Variants in USP54 observed in about 807,000 individuals in gnomAD.
USP54 encodes the protein ubiquitin specific peptidase 54, also known as ubiquitin carboxyl-terminal hydrolase 54.
USP54 carries 87 observed loss-of-function variants against 170.5 expected under a neutral mutation model. That is an observed-to-expected ratio of 0.51 (90% CI 0.43 to 0.61). The LOEUF is 0.61. USP54 is among the 20% of genes least tolerant of loss of function. USP54 has a pLI of 0.00. For missense variants in USP54, 1,786 were observed against 2,047.8 expected (o/e 0.87, Z 2.47); for synonymous variants, 655 against 742.8 (o/e 0.88, Z 1.92).
At chr10:73,596,910 G>C (rs2078784585) in intron 1 of USP54, among the ~76,000 whole-genome samples, 1 of 151,998 alleles carries the variant, frequency 6.6e-6, no homozygotes, top group African/African-American at 2.4e-5. Flanking sequence ...GAAAGAAAAA[G>C]AATCATACAC....
rs770028732 is a variant in USP54, at chr10:73,504,956, C to G, written c.4205G>C (p.Gly1402Ala). The G allele has an allele frequency of 6.2e-7, 1 of 1,614,162 alleles. No homozygotes were observed. Among genetic ancestry groups the G allele is most frequent in the Non-Finnish European group, 8.5e-7 (1 of 1,180,032 alleles). The change falls in exon 22 of 24, where the codon GGG becomes GCG. Residue 1402 changes from glycine (G) to alanine (A), a missense_variant. Coordinates refer to ENST00000687698, the MANE Select transcript of USP54 (RefSeq NM_001391956.1). The part of the protein sequence containing the change: ...TPCRGLSREC[G>A]EDEQYSAENL... ...CTCTGCACTGTACTGCTCATCCTCC[C>G]CACACTCCCTGCTGAGGCCTCGGCA...
chr10:73,608,584 G>A lies in USP54; in HGVS notation c.-18+16983C>T, dbSNP rs568867711. ...TATTATCCTAATCTCACAGATAAGG[G>A]AAGTGAGGTTCAAAAACATTTAATA... On this transcript the variant is annotated intron_variant, in intron 1 of 22. Transcript: ENST00000339859. Among the ~76,000 whole-genome samples, 4 of 152,210 alleles carry A rather than the reference G, an allele frequency of 2.6e-5. No homozygotes were observed. In the South Asian group the frequency reaches 8.3e-4, roughly 32 times the overall value.
intron 1 of USP54, among the ~76,000 whole-genome samples, chr10:73,616,335 CAAAAAAAAAA>C (rs60197778): frequency 0.18 from 4,593 of 25,728 alleles, 142 homozygotes; most frequent in South Asian, 0.37. Flanking sequence ...GACTCCATCT[CAAAAAAAAAA>C]AAAAAAAAAA....
At chr10:73,551,910 A>G (rs1434101709) in intron 4 of USP54, among the ~76,000 whole-genome samples, 1 of 152,222 alleles carries the variant, frequency 6.6e-6, no homozygotes, top group African/African-American at 2.4e-5. Flanking sequence ...CTAGGGCCTC[A>G]ACTGTTCCTA....
At position 73,530,178 on chromosome 10, in the gene USP54, C is replaced by G; in HGVS notation, c.1793G>C (p.Gly598Ala). The G allele has an allele frequency of 6.2e-7, 1 of 1,613,764 alleles. No homozygotes were observed. The highest frequency in any genetic ancestry group is 8.5e-7 in the Non-Finnish European group (1 of 1,179,968). The change falls in exon 14 of 24, where the codon GGC becomes GCC. Residue 598 changes from glycine (G) to alanine (A), a missense_variant. Physicochemically the swap from Gly to Ala is moderately conservative, Grantham distance 60. Around this residue, in one of 3 missense-constraint regions of USP54, gnomAD observed 1,418 missense variants for 1,569.0 expected, o/e 0.90. Transcript: ENST00000687698. ...AGAAAAGGGGCTAAGCTGGGTATAG[C>G]CACAGTGCTTCCTTTTGTCCTTACT... is the stretch of plus-strand genomic sequence containing the variant. Reference protein sequence around the residue: ...IFSKDKRKHCGYTQLSPFSED... With the variant: ...IFSKDKRKHCAYTQLSPFSED...
intron 5 of USP54, among the ~76,000 whole-genome samples, chr10:73,544,910 C>A (rs758985042): frequency 2.0e-5 from 3 of 151,852 alleles, no homozygotes; most frequent in Non-Finnish European, 4.4e-5. Flanking sequence ...GATGGGGTTT[C>A]GCTACGTTGG....
chr10:73,509,439 CAAAAAAA>C (rs1229372512), intron 20 of USP54, among the ~76,000 whole-genome samples: 1 of 106,756 alleles, frequency 9.4e-6, no homozygotes, highest in Non-Finnish European at 2.1e-5. Context: ...CTGTCTCTAC[CAAAAAAA>C]AAAAAAAAAA....
At chr10:73,515,142 A>T (rs1209115435) in intron 20 of USP54, among the ~76,000 whole-genome samples, 1 of 152,212 alleles carries the variant, frequency 6.6e-6, no homozygotes. Flanking sequence ...CACTTACTCA[A>T]CTGTAATTAT....
intron 4 of USP54, among the ~76,000 whole-genome samples, chr10:73,548,317 C>T (rs527986573): frequency 2.6e-5 from 4 of 152,206 alleles, no homozygotes; most frequent in Non-Finnish European, 5.9e-5. Context: ...TGGAAGACAG[C>T]GTGGCAATTC....
intron 20 of USP54, among the ~76,000 whole-genome samples, chr10:73,512,407 G>C (rs2060355321): frequency 6.6e-6 from 1 of 152,068 alleles, no homozygotes; most frequent in South Asian, 2.1e-4. Context: ...TCAAAGTGCT[G>C]GTATTACAGG....
chr10:73,520,354 C>T (rs1423181077), intron 18 of USP54, among the ~76,000 whole-genome samples: 1 of 152,230 alleles, frequency 6.6e-6, no homozygotes, highest in East Asian at 1.9e-4. Flanking sequence ...CAATGGCCAA[C>T]AGCAGAAATA....
intron 1 of USP54, among the ~76,000 whole-genome samples, chr10:73,609,216 T>A (rs896140790): frequency 6.6e-6 from 1 of 151,850 alleles, no homozygotes; most frequent in African/African-American, 2.4e-5. Flanking sequence ...AAACAAGGAG[T>A]TGAAAGAAAT....
intron 19 of USP54, chr10:73,518,322 A>G: frequency 1.2e-6 from 1 of 827,966 alleles, no homozygotes; most frequent in Non-Finnish European, 1.5e-6. Context: ...ATTTTGTTCT[A>G]TTAGTCACTG....
At position 73,509,617 on chromosome 10, in the gene USP54, TA is replaced by T. The variant is rs757858956; in HGVS notation, c.4052-4192del. ...GTGACAGAGCGAGACTCCGTCTCAT[TA>T]AAAAAAAAAAAAAATCTTTATTTCT... On this transcript the variant is annotated intron_variant, in intron 20 of 23. Coordinates refer to ENST00000687698, the MANE Select transcript of USP54 (RefSeq NM_001391956.1). 5.6e-3 allele frequency among the ~76,000 whole-genome samples: 784 copies of T among 140,110 alleles called. 5 individuals are homozygous for T. The highest frequency in any genetic ancestry group is 0.015 in the Middle Eastern group (4 of 264). The allele number at this position is 140,110 out of a possible 152,430, so 91.9% of individuals were successfully genotyped here. A position where few individuals can be genotyped will look rare whatever the true frequency, so the allele number is the denominator to read the frequency against.
rs77609884 is a variant in USP54 at position 73,571,140 on chromosome 10, A to C, written c.240+281T>G. Among the ~76,000 whole-genome samples the C allele has an allele frequency of 4.7e-5, 5 of 106,398 alleles. No homozygotes were observed. The East Asian group carries it at 2.1e-3, about 44-fold the overall frequency. The allele number at this position is 106,398 out of a possible 152,430, so 69.8% of individuals were successfully genotyped here. ...GTGACAGAGTGAGACTTCATCCCAA[A>C]AAAAAAAAAAAAAAAAAAAAAAAGG... On this transcript the variant is annotated intron_variant, in intron 4 of 23. Transcript: ENST00000687698.
rs562551725 is a variant in USP54 at position 73,518,263 on chromosome 10, A to G, written c.2679-516T>C. 14 of 982,366 alleles carry G rather than the reference A, an allele frequency of 1.4e-5. No homozygotes were observed. The East Asian group carries it at 1.6e-3, about 112-fold the overall frequency. The allele number at this position is 982,366 out of a possible 1,614,324, so 60.9% of individuals were successfully genotyped here. ...ACAAAATACAGGGTGATTTGGGCTC[A>G]TGGGAATACACAGAAATTAACCATT... On this transcript the variant is annotated intron_variant, in intron 19 of 23. Transcript: ENST00000687698.
At chr10:73,573,330 T>C (rs1412140009) in intron 3 of USP54, among the ~76,000 whole-genome samples, 1 of 152,074 alleles carries the variant, frequency 6.6e-6, no homozygotes, top group East Asian at 1.9e-4. Context: ...AAAACTAATA[T>C]GCATCATCCA....
intron 1 of USP54, among the ~76,000 whole-genome samples, chr10:73,602,974 G>A (rs1421796840): frequency 6.6e-6 from 1 of 151,494 alleles, no homozygotes; most frequent in Admixed American, 6.6e-5. Context: ...TTATGTGCAA[G>A]TATCTCTGAT....
At chr10:73,603,137 A>G (rs867596021) in intron 1 of USP54, among the ~76,000 whole-genome samples, 1 of 152,122 alleles carries the variant, frequency 6.6e-6, no homozygotes, top group Non-Finnish European at 1.5e-5. Flanking sequence ...AGGAGTATAA[A>G]CTATGTCAGA....
Sources: gnomAD v4.1 joint callset for allele counts (sites outside exome capture counted in the v4.1 genomes callset) on GRCh38, gnomAD v4.1.1 for gene constraint, gnomAD v4.1.1 regional missense constraint, MANE v1.5 for transcripts, NCBI Gene and HGNC (gene_info 2026-07-23, HGNC 2026-07-21) for gene names.